The following CA10 variants were observed in gnomAD, a reference collection of about 807,000 sequenced individuals.
The protein encoded by CA10 is carbonic anhydrase-related protein 10.
In CA10, 14 loss-of-function variants were observed where a neutral mutation model predicts 44.2. The ratio of observed to expected loss-of-function variants is 0.32; its 90% CI spans 0.21 to 0.50. The LOEUF (loss-of-function observed/expected upper bound fraction) is 0.50, where lower values mean the gene tolerates loss of function less well. Ranked by LOEUF, CA10 falls within the 20% of genes least tolerant of loss-of-function variation. The pLI is 0.99. For synonymous variants in CA10, 159 were observed against 141.6 expected, an observed-to-expected ratio of 1.12 and a Z score of -0.87; for missense variants, 350 against 409.7, an observed-to-expected ratio of 0.85 and a Z score of 1.26.
chr17:51,853,495 A>T (rs1223791977), intron 3 of CA10, among the ~76,000 whole-genome samples: 1 of 152,216 alleles, frequency 6.6e-6, no homozygotes, highest in African/African-American at 2.4e-5. Flanking sequence ...GAATGCCCCA[A>T]ACCCCAACAG....
At chr17:51,933,724 A>G (rs1982753348) in intron 2 of CA10, among the ~76,000 whole-genome samples, 1 of 152,114 alleles carries the variant, frequency 6.6e-6, no homozygotes, top group African/African-American at 2.4e-5. Context: ...CTCTCCCTAG[A>G]AGGCAGCTGC....
chr17:52,053,493 C>T (rs1987136120), intron 2 of CA10, among the ~76,000 whole-genome samples: 1 of 147,206 alleles, frequency 6.8e-6, no homozygotes, highest in African/African-American at 2.7e-5. Flanking sequence ...TAAGAAAATA[C>T]TCAAACGGAT....
chr17:52,141,078 GCTGGCAGAAGAAGAGTACTCAGAAAGC>G (rs1567746550), intron 1 of CA10, among the ~76,000 whole-genome samples: 2 of 152,126 alleles, frequency 1.3e-5, no homozygotes, highest in Non-Finnish European at 2.9e-5. Flanking sequence ...TTTTCAAAGA[GCTGGCAGAAGAAGAGTACTCAGAAAGC>G]TTGCTCCTTC....
chr17:51,689,422 T>TTGAA (rs747762721), intron 4 of CA10, among the ~76,000 whole-genome samples: 66 of 152,334 alleles, frequency 4.3e-4, no homozygotes, highest in Admixed American at 3.9e-3. Flanking sequence ...CCCAATGATT[T>TTGAA]TGAATGAATG....
At chr17:51,910,654 A>G (rs1223595834) in intron 3 of CA10, among the ~76,000 whole-genome samples, 1 of 152,162 alleles carries the variant, frequency 6.6e-6, no homozygotes, top group Non-Finnish European at 1.5e-5. Flanking sequence ...GGAAATGGAC[A>G]ACGTAGTTAC....
At chr17:52,030,823 A>G (rs903056228) in intron 2 of CA10, among the ~76,000 whole-genome samples, 1 of 152,052 alleles carries the variant, frequency 6.6e-6, no homozygotes, top group African/African-American at 2.4e-5. Context: ...TGGGCTCCAG[A>G]ATTTATAGCA....
At chr17:51,877,338 T>G (rs561204576) in intron 3 of CA10, among the ~76,000 whole-genome samples, 4 of 152,372 alleles carry the variant, frequency 2.6e-5, no homozygotes, top group East Asian at 3.9e-4. Context: ...TTATTTTGAC[T>G]AAATCAAATT....
intron 1 of CA10, among the ~76,000 whole-genome samples, chr17:52,078,730 G>A (rs1768439468): frequency 6.6e-6 from 1 of 152,168 alleles, no homozygotes; most frequent in African/African-American, 2.4e-5. Flanking sequence ...GGAACATTGA[G>A]AAGTGCATGG....
chr17:51,859,306 C>G (rs1356560955), intron 3 of CA10, among the ~76,000 whole-genome samples: 1 of 152,060 alleles, frequency 6.6e-6, no homozygotes, highest in African/African-American at 2.4e-5. Context: ...GGGGTTTCAG[C>G]CCACAGCAAG....
chr17:52,147,214 T>G (rs545725922), intron 1 of CA10, among the ~76,000 whole-genome samples: 46 of 152,184 alleles, frequency 3.0e-4, no homozygotes, highest in Admixed American at 1.3e-3. Context: ...CCTAATTTTT[T>G]TCATAATATT....
At chr17:52,067,672 G>A (rs895712144) in intron 2 of CA10, among the ~76,000 whole-genome samples, 1 of 152,180 alleles carries the variant, frequency 6.6e-6, no homozygotes, top group Admixed American at 6.5e-5. Context: ...GCTGGGAGGT[G>A]GACTGTACCT....
Position 51,968,822 on chromosome 17 carries a change from C to T in CA10, c.137-37690G>A, listed in dbSNP as rs183302922. ...CAATGAAGGGCATGATGATACTCAC[C>T]AAGTAGTTTTAGGAAAAAATGATTT... On this transcript the variant is annotated intron_variant, in intron 2 of 8. Transcript: ENST00000451037. Among the ~76,000 whole-genome samples, 817 of 151,968 alleles carry T rather than the reference C, an allele frequency of 5.4e-3. 2 individuals carry two copies. Among genetic ancestry groups the T allele is most frequent in the Non-Finnish European group, 9.0e-3 (611 of 67,844 alleles).
At chr17:52,019,711 A>G (rs1200592470) in intron 2 of CA10, among the ~76,000 whole-genome samples, 1 of 152,080 alleles carries the variant, frequency 6.6e-6, no homozygotes, top group Non-Finnish European at 1.5e-5. Flanking sequence ...GAACATTACC[A>G]GCATCCCAGA....
At chr17:51,853,245 T>C (rs892898093) in intron 3 of CA10, among the ~76,000 whole-genome samples, 6 of 151,768 alleles carry the variant, frequency 4.0e-5, no homozygotes, top group African/African-American at 1.5e-4. Context: ...TAATCAGGAG[T>C]GGGGTGATTA....
chr17:51,927,298 T>C (rs73987314), intron 3 of CA10, among the ~76,000 whole-genome samples: 12,564 of 152,232 alleles, frequency 0.083, 555 homozygotes, highest in African/African-American at 0.1. Context: ...TCTATTTTAT[T>C]AAATGAGTTA....
chr17:51,865,656 T>G (rs767874420), intron 3 of CA10, among the ~76,000 whole-genome samples: 5 of 152,204 alleles, frequency 3.3e-5, no homozygotes, highest in Non-Finnish European at 7.3e-5. Context: ...TAGAAGTTAT[T>G]CTTCCAATTT....
rs145843353 is a variant in CA10 at position 52,027,555 on chromosome 17, T to G, written c.136+44764A>C. On this transcript the variant is annotated intron_variant, in intron 2 of 8. Coordinates refer to ENST00000451037, the MANE Select transcript of CA10 (RefSeq NM_020178.5). ...GATCTAAAATTGGGGAAAGACGACATGCACATAGAAATTACATTTTAAAAA... is the reference window on the plus strand; with the variant it reads ...GATCTAAAATTGGGGAAAGACGACAGGCACATAGAAATTACATTTTAAAAA... Among the ~76,000 whole-genome samples, 7 of 152,214 alleles carry G rather than the reference T, an allele frequency of 4.6e-5. No individual in the cohort carries two copies. The East Asian group carries it at 1.4e-3, about 29-fold the overall frequency.
At chr17:51,905,648 C>A (rs969353923) in intron 3 of CA10, among the ~76,000 whole-genome samples, 1 of 150,968 alleles carries the variant, frequency 6.6e-6, no homozygotes, top group African/African-American at 2.4e-5. Flanking sequence ...CTGTTCTTAT[C>A]CCCAGGCTAT....
chr17:51,925,075 G>A (rs1982372147), intron 3 of CA10, among the ~76,000 whole-genome samples: 1 of 152,030 alleles, frequency 6.6e-6, no homozygotes, highest in African/African-American at 2.4e-5. Flanking sequence ...TCTTTTTAAA[G>A]ATGGGGTCTT....
Sources: allele counts gnomAD v4.1 joint callset (sites outside exome capture counted in the v4.1 genomes callset), GRCh38; gene constraint gnomAD v4.1.1; transcripts MANE v1.5; gene names NCBI Gene and HGNC (gene_info 2026-07-23, HGNC 2026-07-21).